MACROD2: variants seen among roughly 807,000 people sequenced by gnomAD.
MACROD2 encodes the protein mono-ADP ribosylhydrolase 2.
MACROD2 carries 36 observed loss-of-function variants against 70.4 expected under a neutral mutation model. That is an observed-to-expected ratio of 0.51 (90% CI 0.39 to 0.68). MACROD2 has a LOEUF of 0.68. Ranked by LOEUF, MACROD2 falls within the 30% of genes least tolerant of loss-of-function variation. The pLI is 0.00. For missense variants in MACROD2, 496 were observed against 538.4 expected (o/e 0.92, Z 0.78); for synonymous variants, 172 against 178.8 (o/e 0.96, Z 0.30).
intron 5 of MACROD2, among the ~76,000 whole-genome samples, chr20:15,012,811 C>T (rs952865735): frequency 2.6e-5 from 4 of 152,142 alleles, no homozygotes; most frequent in South Asian, 4.1e-4. Flanking sequence ...GGAGCTCAGC[C>T]GTCCCAGTCT....
intron 4 of MACROD2, among the ~76,000 whole-genome samples, chr20:14,537,067 C>T (rs2123222646): frequency 6.6e-6 from 1 of 152,292 alleles, no homozygotes; most frequent in East Asian, 1.9e-4. Flanking sequence ...CCTCCAACCC[C>T]CTTCCTTCTG....
chr20:14,619,223 G>A (rs1374015495), intron 4 of MACROD2, among the ~76,000 whole-genome samples: 3 of 151,702 alleles, frequency 2.0e-5, no homozygotes, highest in East Asian at 2.0e-4. Flanking sequence ...TTTTATCCAT[G>A]AACTCTGTTA....
At chr20:15,342,386 G>A (rs776013534) in intron 6 of MACROD2, among the ~76,000 whole-genome samples, 20 of 152,122 alleles carry the variant, frequency 1.3e-4, no homozygotes, top group Non-Finnish European at 2.8e-4. Flanking sequence ...GACTTGGCTT[G>A]TATTTTGACA....
intron 8 of MACROD2, among the ~76,000 whole-genome samples, chr20:15,645,906 A>G (rs1016591301): frequency 6.6e-6 from 1 of 152,250 alleles, no homozygotes; most frequent in Non-Finnish European, 1.5e-5. Context: ...TTGAAATCAC[A>G]TACACATGCG....
intron 3 of MACROD2, among the ~76,000 whole-genome samples, chr20:14,193,168 T>G (rs2081402137): frequency 6.6e-6 from 1 of 152,202 alleles, no homozygotes; most frequent in Admixed American, 6.5e-5. Flanking sequence ...TTGAACCATC[T>G]TAAAGTGTGT....
intron 3 of MACROD2, among the ~76,000 whole-genome samples, chr20:14,474,848 C>G (rs1378356878): frequency 1.3e-5 from 2 of 152,014 alleles, no homozygotes; most frequent in Non-Finnish European, 2.9e-5. Context: ...CACTTTTAGG[C>G]TATGTATTTA....
At chr20:14,345,236 A>G (rs1008055279) in intron 3 of MACROD2, among the ~76,000 whole-genome samples, 136 of 152,276 alleles carry the variant, frequency 8.9e-4, no homozygotes, top group Non-Finnish European at 3.8e-4. Flanking sequence ...TTATATATGA[A>G]TTAAGTACAA....
chr20:15,223,546 A>G (rs755217830), intron 5 of MACROD2, among the ~76,000 whole-genome samples: 2 of 152,220 alleles, frequency 1.3e-5, no homozygotes, highest in African/African-American at 2.4e-5. Context: ...TGTGTTTACA[A>G]TTAATACTAA....
chr20:14,974,134 G>A (rs1179777264), intron 5 of MACROD2, among the ~76,000 whole-genome samples: 1 of 152,210 alleles, frequency 6.6e-6, no homozygotes, highest in East Asian at 1.9e-4. Flanking sequence ...GAAAGCTGAA[G>A]TAAGGAATAC....
intron 5 of MACROD2, among the ~76,000 whole-genome samples, chr20:14,878,761 A>C (rs2073578573): frequency 2.0e-5 from 3 of 152,096 alleles, no homozygotes; most frequent in African/African-American, 2.4e-5. Flanking sequence ...ATTTTAATTT[A>C]GTTTTCAAGG....
At chr20:15,528,682 C>T (rs927811788) in intron 8 of MACROD2, among the ~76,000 whole-genome samples, 14 of 151,822 alleles carry the variant, frequency 9.2e-5, no homozygotes, top group Non-Finnish European at 1.8e-4. Flanking sequence ...GTTTTTTCAT[C>T]CAGAAATTAA....
At chr20:15,343,612 TTAAAGA>T (rs1336239637) in intron 6 of MACROD2, among the ~76,000 whole-genome samples, 5 of 152,294 alleles carry the variant, frequency 3.3e-5, no homozygotes, top group Admixed American at 2.6e-4. Flanking sequence ...CAAGTTAGTG[TTAAAGA>T]TAAGACTAGA....
intron 5 of MACROD2, among the ~76,000 whole-genome samples, chr20:15,188,461 GC>G (rs1332828160): frequency 1.3e-5 from 2 of 152,182 alleles, no homozygotes; most frequent in African/African-American, 4.8e-5. Flanking sequence ...CAGTGTCTGG[GC>G]AGGGCCCTCT....
chr20:14,164,768 A>T (rs80347419), intron 3 of MACROD2, among the ~76,000 whole-genome samples: 1,737 of 152,164 alleles, frequency 0.011, 28 homozygotes, highest in African/African-American at 0.038. Flanking sequence ...TACTTACTGG[A>T]GGATGAATCT....
chr20:15,766,750 A>G (rs6043530), intron 8 of MACROD2, among the ~76,000 whole-genome samples: 37,087 of 152,112 alleles, frequency 0.24, 4,593 homozygotes, highest in African/African-American at 0.31. Flanking sequence ...CTTGAGACCC[A>G]GTAATAGTTA....
chr20:14,932,043 CA>C (rs1398490201), intron 5 of MACROD2, among the ~76,000 whole-genome samples: 1 of 149,516 alleles, frequency 6.7e-6, no homozygotes, highest in Non-Finnish European at 1.5e-5. Flanking sequence ...AGCAAACCAG[CA>C]AAAAGTTAAT....
chr20:15,894,329 G>A (rs175785), intron 10 of MACROD2, among the ~76,000 whole-genome samples: 2,039 of 152,212 alleles, frequency 0.013, 41 homozygotes, highest in African/African-American at 0.041. Flanking sequence ...ACATGATGAG[G>A]CCAGAGCATC....
intron 7 of MACROD2, among the ~76,000 whole-genome samples, chr20:15,488,013 G>A (rs2047183527): frequency 6.6e-6 from 1 of 152,138 alleles, no homozygotes; most frequent in African/African-American, 2.4e-5. Flanking sequence ...TTACATCCTG[G>A]GAGTCAGTAA....
chr20:14,192,183 T>G (rs2148739942), intron 3 of MACROD2, among the ~76,000 whole-genome samples: 1 of 152,302 alleles, frequency 6.6e-6, no homozygotes, highest in South Asian at 2.1e-4. Context: ...TGGGATTATC[T>G]ATTATGACGC....
Sources: gnomAD v4.1 joint callset for allele counts (sites outside exome capture counted in the v4.1 genomes callset) on GRCh38, gnomAD v4.1.1 for gene constraint, MANE v1.5 for transcripts, NCBI Gene and HGNC (gene_info 2026-07-23, HGNC 2026-07-21) for gene names.